Variants in ARMS2 observed in about 807,000 individuals in gnomAD.
ARMS2 encodes age-related maculopathy susceptibility protein 2.
ARMS2 carries 4 observed loss-of-function variants against 6.0 expected under a neutral mutation model. The observed-to-expected ratio is 0.67, with a 90% CI of 0.33 to 1.53. The LOEUF (loss-of-function observed/expected upper bound fraction) is 1.53, where lower values mean the gene tolerates loss of function less well. Among genes scored for constraint, ARMS2 ranks in the 40% most tolerant of loss-of-function variants. ARMS2 has a pLI of 0.06. For missense variants in ARMS2, 99 were observed against 127.6 expected, an observed-to-expected ratio of 0.78 and a Z score of 1.08; for synonymous variants, 49 against 51.7, an observed-to-expected ratio of 0.95 and a Z score of 0.22.
chr10:122,457,126 C>T lies in ARMS2; in HGVS notation c.*193C>T, dbSNP rs1439524811. 4.7e-6 allele frequency: 3 copies of T among 640,058 alleles called. No individual in the cohort carries two copies. Among genetic ancestry groups the T allele is most frequent in the Non-Finnish European group, 7.9e-6 (3 of 378,584 alleles). The allele number at this position is 640,058 out of a possible 1,614,324, so 39.6% of individuals were successfully genotyped here. A position where few individuals can be genotyped will look rare whatever the true frequency, so the allele number is the denominator to read the frequency against. On this transcript the variant is annotated 3_prime_UTR_variant, in exon 2 of 2. Coordinates refer to ENST00000528446, the MANE Select transcript of ARMS2 (RefSeq NM_001099667.3). ...ACTGTGCAACCTGGAATTTCCCCAC[C>T]TGGGCGGACTCATCACGTCATCACC...
chr10:122,454,911 T>C lies in ARMS2; in HGVS notation c.184T>C (p.Ser62Pro). 6.2e-7 allele frequency: 1 copy of C among 1,613,866 alleles called. No individual in the cohort carries two copies. The highest frequency in any genetic ancestry group is 1.3e-5 in the African/African-American group (1 of 75,010). The part of the protein sequence containing the change: ...SDKQRSKLSL[S>P]HSMIPAAKIH... ...CAAGCAGAGGAGCAAACTGTCTTTA[T>C]CACACTCCATGATCCCAGCTGCTAA... Residue 62 changes from serine to proline, a missense_variant, in exon 1 of 2, where the codon TCA (serine) becomes CCA (proline). Transcript: ENST00000528446.
Position 122,454,827 on chromosome 10 carries a change from A to G in ARMS2, c.100A>G (p.Ile34Val), listed in dbSNP as rs759023081. 5 of 1,613,998 alleles carry G rather than the reference A, an allele frequency of 3.1e-6. No individual in the cohort carries two copies. The highest frequency in any genetic ancestry group is 4.2e-6 in the Non-Finnish European group (5 of 1,179,900). Residue 34 changes from isoleucine to valine, a missense_variant, in exon 1 of 2, where the codon ATT becomes GTT. Coordinates refer to ENST00000528446, the MANE Select transcript of ARMS2 (RefSeq NM_001099667.3). ...CTCCTCGGTGGTTCCTGTGTCCTTC[A>G]TTTCCACTCTGCGAGAGTCTGTGCT... ...LSSSVVPVSF[I>V]STLRESVLDP...
chr10:122,454,963 C>G lies in ARMS2; in HGVS notation c.236C>G (p.Ala79Gly). The stretch of plus-strand genomic sequence containing the variant: ...ATCCACACTGAGCTCTGCTTACCAG[C>G]CTTCTTCTCTCCTGCTGGAACCCAG... Reference protein sequence around the residue: ...AKIHTELCLPAFFSPAGTQRR... With the variant: ...AKIHTELCLPGFFSPAGTQRR... The change falls in exon 1 of 2, where the codon GCC becomes GGC. Residue 79 changes from alanine (A) to glycine (G), a missense_variant. Coordinates refer to ENST00000528446, the MANE Select transcript of ARMS2 (RefSeq NM_001099667.3). 1.2e-6 allele frequency: 2 copies of G among 1,613,782 alleles called. No homozygotes were observed. The highest frequency in any genetic ancestry group is 2.2e-5 in the South Asian group (2 of 91,070).
intron 1 of ARMS2, among the ~76,000 whole-genome samples, chr10:122,455,668 G>A (rs1399008110): frequency 6.6e-6 from 1 of 152,132 alleles, no homozygotes; most frequent in African/African-American, 2.4e-5. Context: ...GAACTGTGGC[G>A]CTTTGTGCTT....
Position 122,454,862 on chromosome 10 carries a change from A to C in ARMS2, c.135A>C (p.Gly45=). The C allele has an allele frequency of 1.9e-6, 3 of 1,613,828 alleles. No individual in the cohort carries two copies. Among genetic ancestry groups the C allele is most frequent in the Non-Finnish European group, 2.5e-6 (3 of 1,179,862 alleles). ...TGCGAGAGTCTGTGCTGGACCCTGGAGTTGGTGGAGAAGGAGCCAGTGACA... is the reference window on the plus strand; with the variant it reads ...TGCGAGAGTCTGTGCTGGACCCTGGCGTTGGTGGAGAAGGAGCCAGTGACA... The part of the protein sequence containing the change: ...STLRESVLDP[G]VGGEGASDKQ... Residue 45 remains glycine, a synonymous_variant, in exon 1 of 2, where the codon GGA becomes GGC. Coordinates refer to ENST00000528446, the MANE Select transcript of ARMS2 (RefSeq NM_001099667.3).
In ARMS2 at chr10:122,454,771, G is replaced by A; in HGVS notation, c.44G>A (p.Gly15Glu). The A allele has an allele frequency of 6.2e-7, 1 of 1,613,982 alleles. No homozygotes were observed. Among genetic ancestry groups the A allele is most frequent in the African/African-American group, 1.3e-5 (1 of 75,042 alleles). Residue 15 changes from glycine to glutamate, a missense_variant, in exon 1 of 2, where the codon GGG (glycine) becomes GAG (glutamate). Coordinates refer to ENST00000528446, the MANE Select transcript of ARMS2 (RefSeq NM_001099667.3). ...GGACCGATGGTAACTGAGGCGGAGG[G>A]GAAAGGAGGGCCTGAGATGGCAAGT... Reference protein sequence around the residue: ...YPGPMVTEAEGKGGPEMASLS... With the variant: ...YPGPMVTEAEEKGGPEMASLS...
chr10:122,455,747 G>GT (rs1326579956), intron 1 of ARMS2, among the ~76,000 whole-genome samples: 3 of 152,022 alleles, frequency 2.0e-5, no homozygotes, highest in South Asian at 2.1e-4. Flanking sequence ...CTTAATTTTT[G>GT]TTTTTTACAA....
chr10:122,454,695 C>G lies in ARMS2; in HGVS notation c.-33C>G, dbSNP rs747233108. ...CAGCTGGCTTGGCAAGGGGACAGCA[C>G]CTTTGTCACCACATTATGTCCCTGT... is the stretch of plus-strand genomic sequence containing the variant. On this transcript the variant is annotated 5_prime_UTR_variant, in exon 1 of 2. Coordinates refer to ENST00000528446, the MANE Select transcript of ARMS2 (RefSeq NM_001099667.3). 9 of 1,600,614 alleles carry G rather than the reference C, an allele frequency of 5.6e-6. No homozygotes were observed. The highest frequency in any genetic ancestry group is 6.8e-6 in the Non-Finnish European group (8 of 1,170,528).
In ARMS2 at chr10:122,457,110, C is replaced by G; in HGVS notation, c.*177C>G. ...TCCCACCTGCGGCCACACTGTGCAA[C>G]CTGGAATTTCCCCACCTGGGCGGAC... On this transcript the variant is annotated 3_prime_UTR_variant, in exon 2 of 2. Coordinates refer to ENST00000528446, the MANE Select transcript of ARMS2 (RefSeq NM_001099667.3). 1 of 727,358 alleles carries G rather than the reference C, an allele frequency of 1.4e-6. No individual in the cohort carries two copies. Among genetic ancestry groups the G allele is most frequent in the Non-Finnish European group, 2.2e-6 (1 of 452,492 alleles). 45.1% of individuals were successfully genotyped at this position (727,358 alleles called of 1,614,324 possible).
chr10:122,456,950 C>G lies in ARMS2; in HGVS notation c.*17C>G, dbSNP rs569405120. ...GCAAGGTGATTCTGCCAAAACATAT[C>G]TCCTTAAAAGCCAACTGGAGCTTCT... On this transcript the variant is annotated 3_prime_UTR_variant, in exon 2 of 2. Coordinates refer to ENST00000528446, the MANE Select transcript of ARMS2 (RefSeq NM_001099667.3). The G allele has an allele frequency of 6.4e-7, 1 of 1,551,382 alleles. No homozygotes were observed. The highest frequency in any genetic ancestry group is 1.2e-5 in the South Asian group (1 of 83,992).
chr10:122,457,066 A>G lies in ARMS2; in HGVS notation c.*133A>G, dbSNP rs1473975885. 2 of 1,212,718 alleles carry G rather than the reference A, an allele frequency of 1.6e-6. No homozygotes were observed. Among genetic ancestry groups the G allele is most frequent in the African/African-American group, 1.5e-5 (1 of 65,674 alleles). The allele number at this position is 1,212,718 out of a possible 1,614,324, so 75.1% of individuals were successfully genotyped here. On this transcript the variant is annotated 3_prime_UTR_variant, in exon 2 of 2. Transcript: ENST00000528446. ...GGTCCCCTTCCCTCCAGCTGCCTCA[A>G]CTGTCCACAGGACTCTCTTCCCACC...
At chr10:122,455,063 T>C (rs1031673901) in intron 1 of ARMS2, 39 bp downstream of exon 1, 16 of 1,176,192 alleles carry the variant, frequency 1.4e-5, no homozygotes, top group South Asian at 2.7e-5. Context: ...CCCAGACCTA[T>C]TGAATCAGAA....
At chr10:122,456,374 G>A (rs2097477109) in intron 1 of ARMS2, among the ~76,000 whole-genome samples, 1 of 151,892 alleles carries the variant, frequency 6.6e-6, no homozygotes, top group Admixed American at 6.6e-5. Flanking sequence ...CTCAAAAATA[G>A]GCCAGGCATG....
At chr10:122,456,653 C>CA (rs111270448) in intron 1 of ARMS2, among the ~76,000 whole-genome samples, 528 of 122,384 alleles carry the variant, frequency 4.3e-3, no homozygotes, top group Admixed American at 0.011. Flanking sequence ...GACTCTATCT[C>CA]AAAAAAAAAA....
intron 1 of ARMS2, 138 bp downstream of exon 1, chr10:122,455,162 G>T (rs1441122693): frequency 1.6e-6 from 1 of 606,356 alleles, no homozygotes; most frequent in Non-Finnish European, 2.9e-6. Flanking sequence ...CTGGCCACAG[G>T]GAGGCCTAGG....
intron 1 of ARMS2, 41 bp from the exon 2 acceptor site, chr10:122,456,866 G>A: frequency 7.6e-7 from 1 of 1,317,838 alleles, no homozygotes; most frequent in Non-Finnish European, 1.0e-6. Context: ...ATCGTCATGT[G>A]TCTTTAAAAA....
In ARMS2 at chr10:122,454,988, G is replaced by C. The variant is rs948784154; in HGVS notation, c.261G>C (p.Gln87His). The C allele has an allele frequency of 5.0e-6, 8 of 1,608,924 alleles. No homozygotes were observed. Among genetic ancestry groups the C allele is most frequent in the Non-Finnish European group, 6.8e-6 (8 of 1,175,848 alleles). The change falls in exon 1 of 2, where the codon CAG becomes CAC. Residue 87 changes from glutamine to histidine, a missense_variant. By Grantham distance (24) the Gln-to-His change is conservative. Transcript: ENST00000528446. ...LPAFFSPAGTQRRFQQPQHHL... is the reference protein window; with the variant it reads ...LPAFFSPAGTHRRFQQPQHHL... ...CCTTCTTCTCTCCTGCTGGAACCCA[G>C]AGGAGGTTCCAGCAGCCTCAGCACC...
rs1391840974 is a variant in ARMS2 at position 122,454,746 on chromosome 10, G to C, written c.19G>C (p.Gly7Arg). The C allele has an allele frequency of 1.9e-6, 3 of 1,613,786 alleles. No individual in the cohort carries two copies. The highest frequency in any genetic ancestry group is 2.5e-6 in the Non-Finnish European group (3 of 1,179,870). ...ACCCTACATGCTGCGCCTATACCCA[G>C]GACCGATGGTAACTGAGGCGGAGGG... MLRLYP[G>R]PMVTEAEGKG... The change falls in exon 1 of 2, where the codon GGA becomes CGA. Residue 7 changes from glycine (G) to arginine (R), a missense_variant. Physicochemically the swap from Gly to Arg is moderately radical, Grantham distance 125. Transcript: ENST00000528446.
chr10:122,457,033 C>A lies in ARMS2; in HGVS notation c.*100C>A. ...GGAGGACAGAGGGAGTCCCTCACAA[C>A]CTAGACTGGTCCCCTTCCCTCCAGC... On this transcript the variant is annotated 3_prime_UTR_variant, in exon 2 of 2. Transcript: ENST00000528446. 1 of 1,472,672 alleles carries A rather than the reference C, an allele frequency of 6.8e-7. No homozygotes were observed. The highest frequency in any genetic ancestry group is 9.2e-7 in the Non-Finnish European group (1 of 1,081,328). 91.2% of individuals were successfully genotyped at this position (1,472,672 alleles called of 1,614,324 possible).
Sources: gnomAD v4.1 joint callset for allele counts (sites outside exome capture counted in the v4.1 genomes callset) on GRCh38, gnomAD v4.1.1 for gene constraint, MANE v1.5 for transcripts, NCBI Gene and HGNC (gene_info 2026-07-23, HGNC 2026-07-21) for gene names.